Variants in RGS13 observed in about 807,000 individuals in gnomAD.
RGS13 encodes the protein regulator of G protein signaling 13.
A neutral mutation model predicts 19.9 loss-of-function variants in RGS13; 14 were observed. The ratio of observed to expected loss-of-function variants is 0.70; its 90% CI spans 0.46 to 1.10. The LOEUF (loss-of-function observed/expected upper bound fraction) is 1.10, where lower values mean the gene tolerates loss of function less well. Ranked by LOEUF, RGS13 falls within the 50% of genes least tolerant of loss-of-function variation. RGS13 has a pLI of 0.00. For missense variants in RGS13, 205 were observed against 187.1 expected, an observed-to-expected ratio of 1.10 and a Z score of -0.56; for synonymous variants, 60 against 56.8, an observed-to-expected ratio of 1.06 and a Z score of -0.25.
At chr1:192,640,823 C>A (rs2102028518) in intron 3 of RGS13, among the ~76,000 whole-genome samples, 1 of 152,248 alleles carries the variant, frequency 6.6e-6, no homozygotes, top group South Asian at 2.1e-4. Flanking sequence ...TGTATTTTCA[C>A]TTCTCCAATG....
chr1:192,652,923 C>T (rs1344252953), intron 5 of RGS13, among the ~76,000 whole-genome samples: 2 of 151,908 alleles, frequency 1.3e-5, no homozygotes, highest in Non-Finnish European at 2.9e-5. Context: ...GAGGGGTGGC[C>T]TTTATCACTT....
intron 5 of RGS13, among the ~76,000 whole-genome samples, chr1:192,653,962 G>T (rs1571586342): frequency 6.6e-6 from 1 of 151,880 alleles, no homozygotes; most frequent in African/African-American, 2.4e-5. Flanking sequence ...TGGGGTGGGG[G>T]GAGCGGGGAG....
chr1:192,648,669 G>A (rs1236183050), intron 5 of RGS13, among the ~76,000 whole-genome samples: 1 of 151,996 alleles, frequency 6.6e-6, no homozygotes, highest in Non-Finnish European at 1.5e-5. Context: ...GTTGAATTTG[G>A]TAGTTTTTTT....
intron 3 of RGS13, among the ~76,000 whole-genome samples, chr1:192,643,646 G>A (rs1663164176): frequency 1.3e-5 from 2 of 152,100 alleles, no homozygotes; most frequent in African/African-American, 4.8e-5. Context: ...CATTGAGAGA[G>A]CTTTCTAAAC....
chr1:192,646,005 C>A (rs1209970624), intron 4 of RGS13: 1 of 152,110 alleles, frequency 6.6e-6, no homozygotes. Flanking sequence ...ATAAACCTTG[C>A]CTAGCTCTTT....
rs1558054146 is a variant in RGS13, at chr1:192,658,329, CT to C, written c.259del (p.Tyr87IlefsTer41). On this transcript the variant is annotated frameshift_variant, in exon 6 of 7. Coordinates refer to ENST00000391995, the MANE Select transcript of RGS13 (RefSeq NM_002927.5). LOFTEE classifies it high-confidence loss of function. ...GAGCAGAATTTCTAGGGCAAAGAAG[CT>C]TTATAAGATTTACATCCAGCCACAG... ...RWSRISRAKK[L>X]YKIYIQPQSP... 1 of 1,613,280 alleles carries C rather than the reference CT, an allele frequency of 6.2e-7. No homozygotes were observed. The highest frequency in any genetic ancestry group is 8.5e-7 in the Non-Finnish European group (1 of 1,179,664).
intron 5 of RGS13, among the ~76,000 whole-genome samples, chr1:192,656,647 A>T (rs1163256609): frequency 6.6e-6 from 1 of 152,040 alleles, no homozygotes; most frequent in East Asian, 1.9e-4. Context: ...ATCTCATGTT[A>T]TGTCCTTGTT....
At chr1:192,644,449 T>G (rs752274902) in intron 4 of RGS13, 50 bp downstream of exon 4, 2 of 1,328,206 alleles carry the variant, frequency 1.5e-6, no homozygotes, top group East Asian at 4.6e-5. Flanking sequence ...ATTTATCAGA[T>G]GATAAATAGG....
chr1:192,647,610 A>C (rs1178841931), intron 4 of RGS13: 1 of 157,404 alleles, frequency 6.4e-6, no homozygotes, highest in Non-Finnish European at 1.4e-5. Context: ...TAACAAAAAG[A>C]CTTTAAAAAA....
intron 3 of RGS13, among the ~76,000 whole-genome samples, chr1:192,641,208 GAAAGAAAGAAAGAGA>G (rs1558049027): frequency 9.9e-4 from 88 of 88,514 alleles, no homozygotes; most frequent in African/African-American, 1.8e-3. Context: ...AAAAAGGAAA[GAAAGAAAGAAAGAGA>G]GAAAGAAAGA....
intron 5 of RGS13, among the ~76,000 whole-genome samples, chr1:192,657,845 T>C (rs1663470690): frequency 6.6e-6 from 1 of 152,250 alleles, no homozygotes; most frequent in Admixed American, 6.6e-5. Context: ...AGATTTTTCG[T>C]GTCAGCTTCA....
In RGS13 at chr1:192,659,291, T is replaced by C. The variant is rs374315632; in HGVS notation, c.295-47T>C. 8 of 1,466,168 alleles carry C rather than the reference T, an allele frequency of 5.5e-6. No homozygotes were observed. In the African/African-American group the frequency reaches 5.7e-5, roughly 10 times the overall value. The allele number at this position is 1,466,168 out of a possible 1,614,324, so 90.8% of individuals were successfully genotyped here. A position where few individuals can be genotyped will look rare whatever the true frequency, so the allele number is the denominator to read the frequency against. On this transcript the variant is annotated intron_variant, in intron 6 of 6. Transcript: ENST00000391995. Reference sequence around the variant, plus strand: ...AACCTTTCTACTATATGTGCCTTTTTTTCAACTATGCTAACTTAATGCTGT... The same window carrying C: ...AACCTTTCTACTATATGTGCCTTTTCTTCAACTATGCTAACTTAATGCTGT...
chr1:192,645,612 T>C (rs1663205077), intron 4 of RGS13: 1 of 152,056 alleles, frequency 6.6e-6, no homozygotes, highest in Non-Finnish European at 1.5e-5. Flanking sequence ...CCGTTTGGTA[T>C]CCACTGCCCA....
Position 192,638,436 on chromosome 1 carries a change from C to G in RGS13, c.-5+233C>G, listed in dbSNP as rs1040820299. On this transcript the variant is annotated intron_variant, in intron 3 of 6. Coordinates refer to ENST00000391995, the MANE Select transcript of RGS13 (RefSeq NM_002927.5). Reference sequence around the variant, plus strand: ...CTGGGTTAAGTATTTTTTAATTTATCTCTTTGTTTCAATGTAGAGAGTGTT... The same window carrying G: ...CTGGGTTAAGTATTTTTTAATTTATGTCTTTGTTTCAATGTAGAGAGTGTT... Among the ~76,000 whole-genome samples the G allele has an allele frequency of 2.6e-5, 4 of 151,886 alleles. No homozygotes were observed. In the South Asian group the frequency reaches 8.3e-4, roughly 32 times the overall value.
intron 3 of RGS13, among the ~76,000 whole-genome samples, chr1:192,638,600 G>A (rs554946569): frequency 2.6e-5 from 4 of 152,068 alleles, no homozygotes; most frequent in East Asian, 1.9e-4. Context: ...GAATACAGGC[G>A]GGAAGGCACC....
chr1:192,658,996 CT>C (rs1663550126), intron 6 of RGS13: 2 of 178,016 alleles, frequency 1.1e-5, no homozygotes, highest in South Asian at 3.9e-4. Flanking sequence ...ACCAATTTCT[CT>C]TTTCTTTAAA....
chr1:192,646,892 A>G (rs1663233526), intron 4 of RGS13: 1 of 152,172 alleles, frequency 6.6e-6, no homozygotes, highest in South Asian at 2.1e-4. Context: ...ATTTGAGAAT[A>G]CAGTCATTTG....
intron 4 of RGS13, 62 bp downstream of exon 4, chr1:192,644,461 A>T: frequency 8.2e-7 from 1 of 1,217,324 alleles, no homozygotes; most frequent in East Asian, 2.4e-5. Flanking sequence ...ATAAATAGGT[A>T]CATATTTATT....
rs771323101 is a variant in RGS13 at position 192,641,254 on chromosome 1, A to AAAAGAAAGAAAG, written c.-4-3033_-4-3022dup. Among the ~76,000 whole-genome samples, 578 of 67,388 alleles carry AAAAGAAAGAAAG rather than the reference A, an allele frequency of 8.6e-3. 5 individuals carry two copies. Among genetic ancestry groups the AAAAGAAAGAAAG allele is most frequent in the African/African-American group, 0.013 (250 of 19,670 alleles). 44.2% of individuals were successfully genotyped at this position (67,388 alleles called of 152,430 possible). On this transcript the variant is annotated intron_variant, in intron 3 of 6. Coordinates refer to ENST00000391995, the MANE Select transcript of RGS13 (RefSeq NM_002927.5). The stretch of plus-strand genomic sequence containing the variant: ...AAAGAAAGAAAGAAAGAAAAGAAAG[A>AAAAGAAAGAAAG]AAAGAAAGAAAGAAAGAAAGAAAGA...
Sources: allele counts gnomAD v4.1 joint callset (sites outside exome capture counted in the v4.1 genomes callset), GRCh38; gene constraint gnomAD v4.1.1; transcripts MANE v1.5; gene names NCBI Gene and HGNC (gene_info 2026-07-23, HGNC 2026-07-21).